The following SLC4A5 variants were observed in gnomAD, a reference collection of about 807,000 sequenced individuals.
The protein encoded by SLC4A5 is electrogenic sodium bicarbonate cotransporter 4.
SLC4A5 carries 96 observed loss-of-function variants against 120.4 expected under a neutral mutation model. The ratio of observed to expected loss-of-function variants is 0.80; its 90% confidence interval spans 0.68 to 0.94. The LOEUF (loss-of-function observed/expected upper bound fraction) is 0.94, where lower values mean the gene tolerates loss of function less well. Among genes scored for constraint, SLC4A5 ranks in the 40% least tolerant of loss-of-function variants. The probability of loss-of-function intolerance (pLI) is 0.00; values close to 1 mark genes in which losing one functional copy is unlikely to be tolerated. For synonymous variants in SLC4A5, 550 were observed against 571.1 expected (o/e 0.96, Z 0.53); for missense variants, 1,259 against 1,459.5 (o/e 0.86, Z 2.24).
chr2:74,229,640 C>T (rs1239307517), intron 25 of SLC4A5, among the ~76,000 whole-genome samples: 2 of 152,176 alleles, frequency 1.3e-5, no homozygotes, highest in Non-Finnish European at 2.9e-5. Context: ...ACCCTCTCTA[C>T]AAAAGTAAGT....
intron 14 of SLC4A5, among the ~76,000 whole-genome samples, chr2:74,254,096 C>A (rs2177705): frequency 6.6e-6 from 1 of 152,062 alleles, no homozygotes; most frequent in African/African-American, 2.4e-5. Flanking sequence ...TTGGCACAAA[C>A]GGAAAAAGAG....
chr2:74,320,321 T>A (rs550139826), intron 5 of SLC4A5, among the ~76,000 whole-genome samples: 2 of 152,162 alleles, frequency 1.3e-5, no homozygotes, highest in South Asian at 2.1e-4. Context: ...TCAGAAAAAA[T>A]TAATTTTTAA....
chr2:74,335,743 C>G (rs1673470438), intron 3 of SLC4A5, among the ~76,000 whole-genome samples: 2 of 152,202 alleles, frequency 1.3e-5, no homozygotes, highest in Non-Finnish European at 2.9e-5. Context: ...AAACAAAAAC[C>G]CTAAAACATC....
chr2:74,306,772 C>G, intron 6 of SLC4A5: 1 of 927,866 alleles, frequency 1.1e-6, no homozygotes, highest in Non-Finnish European at 1.6e-6. Flanking sequence ...ACCACTTTGC[C>G]ATCCACTATC....
chr2:74,287,064 C>T (rs1672007662), intron 7 of SLC4A5, among the ~76,000 whole-genome samples: 1 of 152,192 alleles, frequency 6.6e-6, no homozygotes, highest in Non-Finnish European at 1.5e-5. Context: ...ACCCCACTGC[C>T]CTGCCCCGAC....
chr2:74,252,323 G>A lies in SLC4A5; in HGVS notation c.1334C>T (p.Ala445Val), dbSNP rs369297900. ...ACCACCTCCATTGCCTCCTCCAGGA[G>A]CTCCGCCGCCTCCTCCCACAGAGCC... Residue 445 changes from alanine (A) to valine (V), a missense_variant, in exon 16 of 31, where the codon GCT becomes GTT. Coordinates refer to ENST00000394019, the Ensembl canonical transcript of SLC4A5. 7.4e-6 allele frequency: 12 copies of A among 1,613,208 alleles called. No individual in the cohort carries two copies. The African/African-American group carries it at 1.5e-4, about 20-fold the overall frequency.
chr2:74,241,934 T>C, intron 20 of SLC4A5, 60 bp downstream of exon 20: 1 of 1,535,934 alleles, frequency 6.5e-7, no homozygotes, highest in East Asian at 2.4e-5. Context: ...CCAAAATCTT[T>C]TCTCCCTCCT....
intron 5 of SLC4A5, among the ~76,000 whole-genome samples, chr2:74,318,400 C>G (rs560776298): frequency 1.3e-5 from 2 of 152,260 alleles, no homozygotes; most frequent in African/African-American, 4.8e-5. Flanking sequence ...ATTAAAAAGT[C>G]TAGGCCTGGC....
At chr2:74,235,346 A>C (rs890589627) in intron 21 of SLC4A5, 132 bp from the exon 22 acceptor site, 5 of 644,590 alleles carry the variant, frequency 7.8e-6, no homozygotes, top group Non-Finnish European at 1.4e-5. Context: ...ACTAGGCTCA[A>C]ATCCAGGCTC....
intron 11 of SLC4A5, among the ~76,000 whole-genome samples, chr2:74,261,163 T>G (rs1192819072): frequency 6.6e-6 from 1 of 152,192 alleles, no homozygotes. Flanking sequence ...CACACAAAGC[T>G]GCAATCATCC....
At chr2:74,219,764 C>T (rs776806375) in intron 30 of SLC4A5, among the ~76,000 whole-genome samples, 11 of 152,114 alleles carry the variant, frequency 7.2e-5, no homozygotes, top group Admixed American at 2.0e-4. Flanking sequence ...CTGCTTTTCT[C>T]ATAATACCGG....
At chr2:74,338,656 T>TA (rs796535056) in intron 3 of SLC4A5, among the ~76,000 whole-genome samples, 199 bp downstream of exon 3, 1 of 151,848 alleles carries the variant, frequency 6.6e-6, no homozygotes, top group Non-Finnish European at 1.5e-5. Context: ...CCATGTCTAC[T>TA]AAAAAAATAC....
chr2:74,299,725 T>C (rs1672423526), intron 7 of SLC4A5, among the ~76,000 whole-genome samples: 2 of 152,198 alleles, frequency 1.3e-5, no homozygotes, highest in South Asian at 4.1e-4. Context: ...ATAACTAGTA[T>C]GGGCAAGAAA....
intron 25 of SLC4A5, among the ~76,000 whole-genome samples, chr2:74,228,490 C>G (rs960242253): frequency 6.6e-6 from 1 of 152,040 alleles, no homozygotes; most frequent in Admixed American, 6.5e-5. Context: ...ATTAGCCAGG[C>G]GTGGTGGCAC....
chr2:74,317,994 AG>A (rs1212531632), intron 5 of SLC4A5, among the ~76,000 whole-genome samples: 1 of 152,236 alleles, frequency 6.6e-6, no homozygotes, highest in Non-Finnish European at 1.5e-5. Flanking sequence ...GGAGCAATGT[AG>A]GCAGCCAAAG....
In SLC4A5 at chr2:74,253,134, G is replaced by A. The variant is rs1021063801; in HGVS notation, c.1114-6C>T. The stretch of plus-strand genomic sequence containing the variant: ...TAGGCCACGTCACTGAAGAGCTGGC[G>A]AGGAGAGAGGAGGGAGAAAAGAAAG... On this transcript the variant is annotated splice_region_variant and splice_polypyrimidine_tract_variant and intron_variant, in intron 14 of 30. Transcript: ENST00000394019. 5.0e-6 allele frequency: 8 copies of A among 1,613,938 alleles called. No individual in the cohort carries two copies. The Admixed American group carries it at 5.0e-5, about 10-fold the overall frequency.
chr2:74,319,650 T>C (rs1016522825), intron 5 of SLC4A5: 4 of 152,196 alleles, frequency 2.6e-5, no homozygotes, highest in East Asian at 3.8e-4. Context: ...GTTTGCAATA[T>C]AGTGCATTCT....
rs548490180 is a variant in SLC4A5, at chr2:74,248,329, T to C, written c.1787+24A>G. 2.1e-5 allele frequency: 34 copies of C among 1,612,682 alleles called. No homozygotes were observed. In the South Asian group the frequency reaches 2.4e-4, roughly 11 times the overall value. ...CTGCCCCAAATGCGAGAGCAGGCACTGGGGGCCACCAAGGGACACCTACTT... is the reference window on the plus strand; with the variant it reads ...CTGCCCCAAATGCGAGAGCAGGCACCGGGGGCCACCAAGGGACACCTACTT... On this transcript the variant is annotated intron_variant, in intron 18 of 30. Transcript: ENST00000394019.
At chr2:74,336,212 C>T (rs1478743507) in intron 3 of SLC4A5, among the ~76,000 whole-genome samples, 2 of 152,050 alleles carry the variant, frequency 1.3e-5, no homozygotes, top group Non-Finnish European at 2.9e-5. Flanking sequence ...GGACTATAGG[C>T]AGGTGCCACA....
Sources: allele counts gnomAD v4.1 joint callset (sites outside exome capture counted in the v4.1 genomes callset), GRCh38; gene constraint gnomAD v4.1.1; transcripts MANE v1.5; gene names NCBI Gene and HGNC (gene_info 2026-07-23, HGNC 2026-07-21).